Variants in CEP63 observed in about 807,000 individuals in gnomAD.
The protein encoded by CEP63 is centrosomal protein of 63 kDa.
Under a neutral mutation model 89.1 loss-of-function variants are expected in CEP63, and 84 were observed. That is an observed-to-expected ratio of 0.94 (90% CI 0.79 to 1.13). The LOEUF is 1.13. Among genes scored for constraint, CEP63 ranks in the 50% most tolerant of loss-of-function variants. The pLI is 0.00. For missense variants in CEP63, 838 were observed against 813.3 expected, an observed-to-expected ratio of 1.03 and a Z score of -0.37; for synonymous variants, 267 against 272.5, an observed-to-expected ratio of 0.98 and a Z score of 0.20.
Position 134,561,831 on chromosome 3 carries a change from A to ATAGC in CEP63, c.*299_*302dup, listed in dbSNP as rs1205787058. On this transcript the variant is annotated 3_prime_UTR_variant, in exon 15 of 15. Coordinates refer to ENST00000675561, the MANE Select transcript of CEP63 (RefSeq NM_001353108.3). ...ACTTACCTTGCTGACTTAAATGTGAATAGCTATGTACTAATTGAAATAAGG... is the reference window on the plus strand; with the variant it reads ...ACTTACCTTGCTGACTTAAATGTGAATAGCTAGCTATGTACTAATTGAAATAAGG... 14 of 1,199,980 alleles carry ATAGC rather than the reference A, an allele frequency of 1.2e-5. No individual in the cohort carries two copies. The African/African-American group carries it at 1.7e-4, about 15-fold the overall frequency. 74.3% of individuals were successfully genotyped at this position (1,199,980 alleles called of 1,614,324 possible).
the CEP63 span, among the ~76,000 whole-genome samples, chr3:134,704,756 A>C: frequency 6.6e-6 from 1 of 152,172 alleles, no homozygotes; most frequent in African/African-American, 2.4e-5. Context: ...CTTTATTTGG[A>C]CTAGCTGGAC....
chr3:134,647,328 C>A, the CEP63 span: 1 of 877,250 alleles, frequency 1.1e-6, no homozygotes, highest in South Asian at 1.5e-5. Flanking sequence ...ACTTTCCGTT[C>A]AGTGGTTAGA....
chr3:134,551,415 A>G (rs776444450), intron 11 of CEP63, among the ~76,000 whole-genome samples: 124 of 152,270 alleles, frequency 8.1e-4, no homozygotes, highest in Middle Eastern at 6.8e-3. Flanking sequence ...GAGGAGGGAA[A>G]TCAGATAGTT....
the CEP63 span, among the ~76,000 whole-genome samples, chr3:134,769,215 C>T: frequency 2.0e-5 from 3 of 152,082 alleles, no homozygotes; most frequent in Non-Finnish European, 4.4e-5. Context: ...TGAATATGGT[C>T]GGGGACCATC....
chr3:134,568,860 A>G (rs1005850180), downstream of CEP63, among the ~76,000 whole-genome samples: 4 of 152,214 alleles, frequency 2.6e-5, no homozygotes, highest in Non-Finnish European at 5.9e-5. Flanking sequence ...TGCTGCTGAT[A>G]AAGACATACC....
At chr3:134,548,379 C>T (rs1954053391) in intron 9 of CEP63, among the ~76,000 whole-genome samples, 1 of 152,150 alleles carries the variant, frequency 6.6e-6, no homozygotes, top group Admixed American at 6.5e-5. Flanking sequence ...TTGTTACTTC[C>T]TTGGGTGTTA....
At chr3:134,671,887 G>T in the CEP63 span, among the ~76,000 whole-genome samples, 1 of 152,192 alleles carries the variant, frequency 6.6e-6, no homozygotes, top group East Asian at 1.9e-4. Context: ...TGTGAAATGG[G>T]TTGCTGTGAG....
chr3:134,707,252 G>GA, the CEP63 span, among the ~76,000 whole-genome samples: 8 of 152,278 alleles, frequency 5.3e-5, no homozygotes, highest in South Asian at 1.7e-3. Context: ...TGCAACTACA[G>GA]AACTGCATGT....
chr3:134,698,117 C>G, the CEP63 span, among the ~76,000 whole-genome samples: 2 of 152,258 alleles, frequency 1.3e-5, no homozygotes, highest in African/African-American at 4.8e-5. Context: ...CCCCACGGCA[C>G]AGCATGGATG....
rs1255324681 is a variant in CEP63, at chr3:134,559,172, CATG to C, written c.1700_1702del (p.Asp567del). Reference sequence around the variant, plus strand: ...CAGGCCAACCCATGGCCAGCACAGACATGATGGAATAAAGACTGAGCACTACAA... The same window carrying C: ...CAGGCCAACCCATGGCCAGCACAGACATGGAATAAAGACTGAGCACTACAA... On this transcript the variant is annotated inframe_deletion, in exon 14 of 15. Transcript: ENST00000675561. 2 of 1,614,152 alleles carry C rather than the reference CATG, an allele frequency of 1.2e-6. No homozygotes were observed. The highest frequency in any genetic ancestry group is 1.7e-5 in the Admixed American group (1 of 60,018).
the CEP63 span, among the ~76,000 whole-genome samples, chr3:134,710,062 G>T: frequency 1.3e-5 from 2 of 152,228 alleles, no homozygotes; most frequent in Non-Finnish European, 2.9e-5. Context: ...TCAGAGGTCT[G>T]GGGCCAGATG....
the CEP63 span, among the ~76,000 whole-genome samples, chr3:134,746,462 G>A: frequency 6.6e-6 from 1 of 152,138 alleles, no homozygotes; most frequent in South Asian, 2.1e-4. Context: ...GGGTCAAATG[G>A]CATTTCTAGT....
At chr3:134,658,789 G>A in the CEP63 span, among the ~76,000 whole-genome samples, 1 of 152,154 alleles carries the variant, frequency 6.6e-6, no homozygotes, top group East Asian at 1.9e-4. Context: ...GGAGAGCTTG[G>A]TTCTGAGACA....
downstream of CEP63, among the ~76,000 whole-genome samples, chr3:134,592,496 G>GTGTGTT (rs1958618389): frequency 1.3e-5 from 2 of 151,100 alleles, no homozygotes; most frequent in Admixed American, 1.3e-4. Flanking sequence ...GTGTGTGTGT[G>GTGTGTT]TGTGTGTGTG....
At chr3:134,628,018 T>C in the CEP63 span, 2 of 604,160 alleles carry the variant, frequency 3.3e-6, no homozygotes, top group East Asian at 5.5e-5. Flanking sequence ...GAAGGAAGAC[T>C]AAGAACCAGG....
Position 134,561,454 on chromosome 3 carries a change from T to C in CEP63, c.2031T>C (p.Ile677=). 6.2e-7 allele frequency: 1 copy of C among 1,613,922 alleles called. No homozygotes were observed. Among genetic ancestry groups the C allele is most frequent in the Non-Finnish European group, 8.5e-7 (1 of 1,179,888 alleles). The change falls in exon 15 of 15, where the codon ATT becomes ATC. Residue 677 remains isoleucine (I), a synonymous_variant. Transcript: ENST00000675561. ...AGGAGGAACTGAGGTCTCATCACAT[T>C]CTAGAGCGCTTGGATGCCCATATTG... ...LEEEELRSHH[I]LERLDAHIEE... is the part of the protein sequence containing the mutation.
At chr3:134,603,840 C>A in the CEP63 span, 1 of 1,613,998 alleles carries the variant, frequency 6.2e-7, no homozygotes, top group Non-Finnish European at 8.5e-7. Context: ...TGTCCTGTCC[C>A]CAGTTGCCAA....
At chr3:134,516,359 C>T (rs1018204871) in intron 3 of CEP63, among the ~76,000 whole-genome samples, 6 of 152,218 alleles carry the variant, frequency 3.9e-5, no homozygotes, top group Non-Finnish European at 7.3e-5. Flanking sequence ...AACATACAAT[C>T]GGGTTTTATA....
chr3:134,747,817 AC>A, the CEP63 span, among the ~76,000 whole-genome samples: 2 of 151,814 alleles, frequency 1.3e-5, no homozygotes, highest in African/African-American at 4.8e-5. Context: ...ACGGAGTCTC[AC>A]TCTGTTTCCC....
Sources: gnomAD v4.1 joint callset for allele counts (sites outside exome capture counted in the v4.1 genomes callset) on GRCh38, gnomAD v4.1.1 for gene constraint, MANE v1.5 for transcripts, NCBI Gene and HGNC (gene_info 2026-07-23, HGNC 2026-07-21) for gene names.